Variants in KIAA0319L observed in about 807,000 individuals in gnomAD.
KIAA0319L encodes the protein KIAA0319 like, also known as dyslexia-associated protein KIAA0319-like protein.
KIAA0319L carries 55 observed loss-of-function variants against 120.1 expected under a neutral mutation model. The ratio of observed to expected loss-of-function variants is 0.46; its 90% CI spans 0.37 to 0.57. The LOEUF is 0.57. Ranked by LOEUF, KIAA0319L falls within the 20% of genes least tolerant of loss-of-function variation. KIAA0319L has a pLI of 0.00. For synonymous variants in KIAA0319L, 398 were observed against 471.9 expected (o/e 0.84, Z 2.03); for missense variants, 1,049 against 1,255.3 (o/e 0.84, Z 2.48).
intron 3 of KIAA0319L, among the ~76,000 whole-genome samples, chr1:35,503,887 CTTT>C (rs1175289801): frequency 7.2e-5 from 10 of 138,574 alleles, no homozygotes; most frequent in Admixed American, 7.3e-5. Flanking sequence ...TTGTGATTTT[CTTT>C]TTTTTTTTTT....
chr1:35,528,416 C>T (rs1646236303), intron 2 of KIAA0319L, among the ~76,000 whole-genome samples: 1 of 152,106 alleles, frequency 6.6e-6, no homozygotes. Flanking sequence ...GTTTAATTTC[C>T]ATGTATTTGT....
intron 3 of KIAA0319L, among the ~76,000 whole-genome samples, chr1:35,492,723 T>G (rs1377245291): frequency 6.6e-6 from 1 of 152,074 alleles, no homozygotes; most frequent in African/African-American, 2.4e-5. Flanking sequence ...CACATCAAAC[T>G]AGGAATAGAA....
intron 2 of KIAA0319L, among the ~76,000 whole-genome samples, chr1:35,549,953 T>A (rs140506841): frequency 1.3e-5 from 2 of 152,216 alleles, no homozygotes. Context: ...GCTGACAATC[T>A]ATTGTAGGAA....
intron 3 of KIAA0319L, among the ~76,000 whole-genome samples, chr1:35,505,200 T>C (rs1269840986): frequency 6.6e-6 from 1 of 152,176 alleles, no homozygotes; most frequent in African/African-American, 2.4e-5. Flanking sequence ...TGCCAGAGTA[T>C]AAGCCTTGTT....
Position 35,478,973 on chromosome 1 carries a change from T to C in KIAA0319L, c.906A>G (p.Pro302=). The part of the protein sequence containing the change: ...PQASFQSTSA[P]YPVIKELVVS... ...AAGAGCAAAGGTCCTTACCTGGGTA[T>C]GGTGCTGAGGTGCTCTGGAAAGAGG... The change falls in exon 4 of 21, where the codon CCA becomes CCG. Residue 302 remains proline (P), a synonymous_variant. Transcript: ENST00000325722. 6.2e-7 allele frequency: 1 copy of C among 1,613,994 alleles called. No homozygotes were observed. Among genetic ancestry groups the C allele is most frequent in the South Asian group, 1.1e-5 (1 of 91,070 alleles).
chr1:35,509,276 G>T (rs1268471798), intron 2 of KIAA0319L, among the ~76,000 whole-genome samples: 1 of 152,170 alleles, frequency 6.6e-6, no homozygotes, highest in Non-Finnish European at 1.5e-5. Context: ...TTCAGTTTTG[G>T]CTGAACACTG....
intron 3 of KIAA0319L, among the ~76,000 whole-genome samples, chr1:35,497,912 G>A (rs1273855173): frequency 6.6e-6 from 1 of 152,136 alleles, no homozygotes; most frequent in Non-Finnish European, 1.5e-5. Context: ...AAGTTAGGCA[G>A]ACAGATTTTC....
intron 2 of KIAA0319L, among the ~76,000 whole-genome samples, chr1:35,541,452 T>C (rs1169273801): frequency 2.0e-5 from 3 of 149,354 alleles, no homozygotes; most frequent in East Asian, 4.0e-4. Context: ...TGGGTTCAAG[T>C]GATTCTTCTG....
chr1:35,524,125 A>G (rs564611969), intron 2 of KIAA0319L, among the ~76,000 whole-genome samples: 19 of 152,334 alleles, frequency 1.2e-4, no homozygotes, highest in Non-Finnish European at 2.8e-4. Context: ...AGTCTTACAA[A>G]TTGAACTTGG....
intron 3 of KIAA0319L, among the ~76,000 whole-genome samples, chr1:35,505,990 T>A (rs1645190709): frequency 6.6e-6 from 1 of 152,028 alleles, no homozygotes; most frequent in Non-Finnish European, 1.5e-5. Flanking sequence ...AGAGAGTGAG[T>A]CATTCCTTTT....
At chr1:35,472,154 A>G (rs1643663270) in intron 5 of KIAA0319L, among the ~76,000 whole-genome samples, 1 of 152,254 alleles carries the variant, frequency 6.6e-6, no homozygotes, top group African/African-American at 2.4e-5. Flanking sequence ...AAACAGGACA[A>G]TATTCCTAGG....
intron 3 of KIAA0319L, among the ~76,000 whole-genome samples, chr1:35,500,924 G>T (rs1644981699): frequency 6.6e-6 from 1 of 151,880 alleles, no homozygotes; most frequent in Non-Finnish European, 1.5e-5. Context: ...TGGATCTGAA[G>T]ATTTCACTTT....
intron 6 of KIAA0319L, among the ~76,000 whole-genome samples, chr1:35,468,186 G>T (rs1643396957): frequency 6.7e-6 from 1 of 149,068 alleles, no homozygotes; most frequent in African/African-American, 2.5e-5. Context: ...TATTTTCTTT[G>T]GGTAAATACT....
At chr1:35,534,683 C>A (rs1032657165) in intron 2 of KIAA0319L, among the ~76,000 whole-genome samples, 1 of 151,716 alleles carries the variant, frequency 6.6e-6, no homozygotes, top group East Asian at 1.9e-4. Flanking sequence ...CACAGTGAAA[C>A]CCCATCTCTA....
intron 2 of KIAA0319L, among the ~76,000 whole-genome samples, chr1:35,547,108 T>C (rs1453839707): frequency 6.9e-6 from 1 of 145,594 alleles, no homozygotes; most frequent in Non-Finnish European, 1.5e-5. Context: ...ACATATATTA[T>C]ATATATGATC....
intron 2 of KIAA0319L, among the ~76,000 whole-genome samples, chr1:35,515,120 C>T (rs1645626241): frequency 6.6e-6 from 1 of 152,074 alleles, no homozygotes; most frequent in Non-Finnish European, 1.5e-5. Flanking sequence ...TGAGGCCAGC[C>T]TGGCCAACAC....
At chr1:35,529,583 T>C (rs186981509) in intron 2 of KIAA0319L, among the ~76,000 whole-genome samples, 336 of 152,364 alleles carry the variant, frequency 2.2e-3, no homozygotes, top group African/African-American at 7.9e-3. Flanking sequence ...AGGTACAGTA[T>C]CCTTAACTGG....
chr1:35,484,793 TATATATATATATA>T (rs1277982325), intron 3 of KIAA0319L, among the ~76,000 whole-genome samples: 4,220 of 61,102 alleles, frequency 0.069, 267 homozygotes, highest in East Asian at 0.23. Flanking sequence ...TATATATATA[TATATATATATATA>T]TTTTTTTTTT....
intron 9 of KIAA0319L, 80 bp from the exon 10 acceptor site, chr1:35,456,321 G>T: frequency 1.1e-6 from 1 of 943,954 alleles, no homozygotes; most frequent in East Asian, 2.5e-5. Context: ...GAAAATTAAG[G>T]CTAAGAAATA....
Sources: gnomAD v4.1 joint callset for allele counts (sites outside exome capture counted in the v4.1 genomes callset) on GRCh38, gnomAD v4.1.1 for gene constraint, MANE v1.5 for transcripts, NCBI Gene and HGNC (gene_info 2026-07-23, HGNC 2026-07-21) for gene names.